The following TAOK3 variants were observed in gnomAD, a reference collection of about 807,000 sequenced individuals.
TAOK3 encodes the protein TAO kinase 3, also known as serine/threonine-protein kinase TAO3.
A neutral mutation model predicts 120.4 loss-of-function variants in TAOK3; 40 were observed. The observed-to-expected ratio is 0.33, with a 90% CI of 0.26 to 0.43. The LOEUF (loss-of-function observed/expected upper bound fraction) is 0.43. Ranked by LOEUF, TAOK3 falls within the 20% of genes least tolerant of loss-of-function variation. The pLI is 1.00. For missense variants in TAOK3, 821 were observed against 1,112.1 expected (o/e 0.74, Z 3.72); for synonymous variants, 355 against 387.5 (o/e 0.92, Z 0.99).
chr12:118,308,590 G>A (rs1414892767), intron 1 of TAOK3, among the ~76,000 whole-genome samples: 1 of 152,016 alleles, frequency 6.6e-6, no homozygotes, highest in Non-Finnish European at 1.5e-5. Flanking sequence ...ACCTGGCAAG[G>A]GTGCTGCCCA....
At position 118,160,553 on chromosome 12, in the gene TAOK3, T is replaced by C. The variant is rs985781530; in HGVS notation, c.2140-195A>G. ...CTCTACCTGTACTTTTGGTTTTATA[T>C]TGAATGACTATAAGTAATTTTGAAT... On this transcript the variant is annotated intron_variant, in intron 18 of 20. Coordinates refer to ENST00000392533, the MANE Select transcript of TAOK3 (RefSeq NM_016281.4). This position sits in a 1 kb window ranked among gnomAD's most constrained non-coding sequence, Gnocchi z 4.2. 7.2e-5 allele frequency among the ~76,000 whole-genome samples: 11 copies of C among 152,206 alleles called. No individual in the cohort carries two copies. Among genetic ancestry groups the C allele is most frequent in the African/African-American group, 2.2e-4 (9 of 41,458 alleles).
chr12:118,235,291 A>T (rs2039975626), intron 8 of TAOK3, among the ~76,000 whole-genome samples: 1 of 152,120 alleles, frequency 6.6e-6, no homozygotes. Flanking sequence ...GAAATCGAAA[A>T]CCTGAACTTG....
chr12:118,339,632 C>A (rs1293298181), intron 1 of TAOK3, among the ~76,000 whole-genome samples: 1 of 151,410 alleles, frequency 6.6e-6, no homozygotes, highest in South Asian at 2.1e-4. Flanking sequence ...GTGGTGCGAT[C>A]TCGGCTCACT....
chr12:118,199,142 T>C lies in TAOK3; in HGVS notation c.1103A>G (p.Gln368Arg). 3 of 1,614,204 alleles carry C rather than the reference T, an allele frequency of 1.9e-6. No individual in the cohort carries two copies. Among genetic ancestry groups the C allele is most frequent in the Non-Finnish European group, 2.5e-6 (3 of 1,180,026 alleles). ...GSQSSSVNSM[Q>R]EVMDESSSEL... ...GGAACTGCTCTCGTCCATGACTTCC[T>C]GCATGCTGTTCACACTGCTGCTCTG... Residue 368 changes from glutamine to arginine, a missense_variant, in exon 13 of 21, where the codon CAG becomes CGG. This residue lies in a region of TAOK3 where 467 missense variants were observed against 540.0 expected (regional missense o/e 0.86). Transcript: ENST00000392533.
intron 19 of TAOK3, among the ~76,000 whole-genome samples, chr12:118,157,569 A>AG (rs1238599706): frequency 2.6e-5 from 4 of 152,328 alleles, no homozygotes; most frequent in Admixed American, 6.5e-5. Context: ...CCATTGTGCC[A>AG]GGGAGGCCTC....
At chr12:118,231,352 A>C (rs917373349) in intron 9 of TAOK3, among the ~76,000 whole-genome samples, 1 of 151,396 alleles carries the variant, frequency 6.6e-6, no homozygotes, top group African/African-American at 2.4e-5. Context: ...ATAATATTCA[A>C]ATTTTCCTCC....
At chr12:118,156,942 A>G (rs1214804411) in intron 19 of TAOK3, among the ~76,000 whole-genome samples, 1 of 151,840 alleles carries the variant, frequency 6.6e-6, no homozygotes, top group Non-Finnish European at 1.5e-5. Flanking sequence ...GTTTTACCAC[A>G]CTGGCCAGGC....
intron 1 of TAOK3, among the ~76,000 whole-genome samples, chr12:118,321,291 C>T: frequency 6.6e-6 from 1 of 152,156 alleles, no homozygotes; most frequent in East Asian, 1.9e-4. Context: ...GACAGGGTCT[C>T]ACTCTGTCGC....
intron 1 of TAOK3, among the ~76,000 whole-genome samples, chr12:118,324,151 AT>A (rs1256676899): frequency 1.3e-5 from 2 of 152,202 alleles, no homozygotes; most frequent in African/African-American, 4.8e-5. Context: ...AAAAGTGGAA[AT>A]ATTCAGATAG....
At chr12:118,262,361 T>C (rs1400125760) in intron 2 of TAOK3, among the ~76,000 whole-genome samples, 1 of 151,952 alleles carries the variant, frequency 6.6e-6, no homozygotes, top group Non-Finnish European at 1.5e-5. Context: ...TGGGTACCTG[T>C]AGTCCCAGCT....
At chr12:118,225,427 C>G (rs2039456726) in intron 9 of TAOK3, among the ~76,000 whole-genome samples, 1 of 150,824 alleles carries the variant, frequency 6.6e-6, no homozygotes, top group South Asian at 2.1e-4. Flanking sequence ...TTTTACATGT[C>G]CATTAGCAAA....
At chr12:118,233,493 T>G (rs1456548539) in intron 9 of TAOK3, among the ~76,000 whole-genome samples, 181 bp downstream of exon 9, 1 of 151,994 alleles carries the variant, frequency 6.6e-6, no homozygotes, top group East Asian at 1.9e-4. Context: ...AAGCAATCTG[T>G]GTTATGAGTA....
intron 1 of TAOK3, among the ~76,000 whole-genome samples, chr12:118,319,231 AAAAT>A (rs1314243145): frequency 6.6e-6 from 1 of 152,208 alleles, no homozygotes; most frequent in Non-Finnish European, 1.5e-5. Context: ...TGTCAATTAT[AAAAT>A]AAATATTTTA....
intron 3 of TAOK3, among the ~76,000 whole-genome samples, chr12:118,245,531 T>A (rs1593282408): frequency 6.6e-6 from 1 of 152,030 alleles, no homozygotes; most frequent in East Asian, 1.9e-4. Flanking sequence ...TTGGCCAGGC[T>A]GGTCTCAAAC....
At chr12:118,166,975 T>C (rs2035642344) in intron 17 of TAOK3, among the ~76,000 whole-genome samples, 1 of 152,126 alleles carries the variant, frequency 6.6e-6, no homozygotes. Context: ...GGAAGTAGTA[T>C]TGACTTCTTT....
At chr12:118,156,051 T>C (rs2034798217) in intron 19 of TAOK3, among the ~76,000 whole-genome samples, 1 of 152,146 alleles carries the variant, frequency 6.6e-6, no homozygotes, top group Non-Finnish European at 1.5e-5. Context: ...TAACAAACAT[T>C]CATTGAACGC....
intron 19 of TAOK3, among the ~76,000 whole-genome samples, chr12:118,155,225 A>C (rs930646422): frequency 2.0e-5 from 3 of 151,944 alleles, no homozygotes; most frequent in African/African-American, 7.3e-5. Flanking sequence ...CGAACTCCTG[A>C]CCTCCGGTGA....
intron 1 of TAOK3, among the ~76,000 whole-genome samples, chr12:118,352,427 C>T (rs2045212153): frequency 6.6e-6 from 1 of 151,496 alleles, no homozygotes; most frequent in South Asian, 2.1e-4. Context: ...ATCGCTTGAA[C>T]CTGGGAGGCA....
Position 118,272,305 on chromosome 12 carries a change from A to AAAAGAAAG in TAOK3, c.-193-5554_-193-5547dup, listed in dbSNP as rs201811768. Among the ~76,000 whole-genome samples, 48 of 148,740 alleles carry AAAAGAAAG rather than the reference A, an allele frequency of 3.2e-4. No individual in the cohort carries two copies. The East Asian group carries it at 6.7e-3, about 21-fold the overall frequency. ...AGACTCCATCTCAAAAAAAAAAAAA[A>AAAAGAAAG]AAAGAAAGAAAGAAAGAAAGAAAGA... On this transcript the variant is annotated intron_variant, in intron 1 of 20. Coordinates refer to ENST00000392533, the MANE Select transcript of TAOK3 (RefSeq NM_016281.4).
Sources: allele counts gnomAD v4.1 joint callset (sites outside exome capture counted in the v4.1 genomes callset), GRCh38; gene constraint gnomAD v4.1.1; regional missense constraint gnomAD v4.1.1; non-coding constraint Gnocchi (gnomAD v3.1); transcripts MANE v1.5; gene names NCBI Gene and HGNC (gene_info 2026-07-23, HGNC 2026-07-21).